PASD1: variants seen among roughly 807,000 people sequenced by gnomAD.
PASD1 encodes PAS domain containing repressor 1, also known as circadian clock protein PASD1.
Under a neutral mutation model 58.8 loss-of-function variants are expected in PASD1, and 13 were observed. The observed-to-expected ratio is 0.22, with a 90% CI of 0.14 to 0.35. PASD1 has a LOEUF of 0.35. PASD1 is among the 10% of genes least tolerant of loss of function. The pLI is 1.00. For missense variants in PASD1, 734 were observed against 568.3 expected (o/e 1.29, Z -2.96); for synonymous variants, 236 against 216.7 (o/e 1.09, Z -0.78).
chrX:151,591,086 G>C (rs375366259), intron 1 of PASD1, among the ~76,000 whole-genome samples: 1 of 111,609 alleles, frequency 9.0e-6, no homozygotes, highest in Non-Finnish European at 1.9e-5. Flanking sequence ...AGCTTGAGCT[G>C]TAAGTCTGAT....
chrX:151,657,852 TA>T lies in PASD1; in HGVS notation c.718-1858del, dbSNP rs773415487. On this transcript the variant is annotated intron_variant, in intron 9 of 15. Transcript: ENST00000370357. ...TTTTTTTGGAGGGTTTTTTTTTTTT[TA>T]AATTCTGCTCTATTTTATGTAGCAT... 2.4e-4 allele frequency among the ~76,000 whole-genome samples: 22 copies of T among 90,215 alleles called. No individual in the cohort carries two copies. The East Asian group carries it at 2.5e-3, about 10-fold the overall frequency. The allele number at this position is 90,215 out of a possible 115,157, so 78.3% of individuals were successfully genotyped here. A position where few individuals can be genotyped will look rare whatever the true frequency, so the allele number is the denominator to read the frequency against.
chrX:151,635,247 A>G (rs189651715), intron 8 of PASD1, among the ~76,000 whole-genome samples: 2 of 110,844 alleles, frequency 1.8e-5, no homozygotes, highest in East Asian at 5.7e-4. Context: ...CCAGTTCTCT[A>G]AGTCTTAGTC....
rs755392130 is a variant in PASD1, at chrX:151,676,095, G to T, written c.2274G>T (p.Gln758His). 97 of 1,210,939 alleles carry T rather than the reference G, an allele frequency of 8.0e-5. No individual in the cohort carries two copies. The highest frequency in any genetic ancestry group is 1.1e-4 in the Non-Finnish European group (94 of 895,219). Residue 758 changes from glutamine (Q) to histidine (H), a missense_variant, in exon 16 of 16, where the codon CAG becomes CAT. Gln to His is a conservative substitution (Grantham distance 24, BLOSUM62 0). Transcript: ENST00000370357. ...CAGACCAGATGAGATCTGCGGAGCA[G>T]ACCAGATTGATGCCTGCAGAGCAAC... is the stretch of plus-strand genomic sequence containing the variant. ...YQPDQMRSAE[Q>H]TRLMPAEQRD...
At chrX:151,610,929 A>C (rs1438199754) in intron 3 of PASD1, among the ~76,000 whole-genome samples, 6 of 87,255 alleles carry the variant, frequency 6.9e-5, no homozygotes, top group Admixed American at 5.6e-4. Context: ...TACCTGTTGA[A>C]AGTGTCTCCC....
intron 1 of PASD1, chrX:151,578,315 A>G (rs2013040263): frequency 2.7e-5 from 3 of 112,379 alleles, no homozygotes; most frequent in Non-Finnish European, 3.8e-5. Flanking sequence ...CTGCAGGACC[A>G]GTGACCTTTA....
intron 14 of PASD1, 94 bp downstream of exon 14, chrX:151,672,755 C>CT: frequency 8.9e-7 from 1 of 1,128,293 alleles, no homozygotes; most frequent in Non-Finnish European, 1.2e-6. Context: ...GACGACCTAT[C>CT]CATGTGGCAC....
chrX:151,576,429 A>G lies in PASD1; in HGVS notation c.-28+12590A>G, dbSNP rs372677864. On this transcript the variant is annotated intron_variant, in intron 1 of 15. Transcript: ENST00000370357. ...TCAAAATCAACTCTTATCCTAGTGA[A>G]TTGATTACATGTGAAATTGTGTAGC... 1.2e-4 allele frequency among the ~76,000 whole-genome samples: 13 copies of G among 112,632 alleles called. No individual in the cohort carries two copies. The East Asian group carries it at 3.6e-3, about 31-fold the overall frequency.
intron 7 of PASD1, among the ~76,000 whole-genome samples, chrX:151,624,455 AT>A (rs755593067): frequency 3.6e-5 from 4 of 111,538 alleles, no homozygotes; most frequent in Non-Finnish European, 5.6e-5. Flanking sequence ...TCTGATCCAG[AT>A]TTCCTGTGTT....
At chrX:151,621,771 G>C (rs765498305) in intron 6 of PASD1, among the ~76,000 whole-genome samples, 179 bp downstream of exon 6, 1 of 109,410 alleles carries the variant, frequency 9.1e-6, no homozygotes, top group African/African-American at 3.3e-5. Context: ...TACAAGGTGG[G>C]GGACACTGAG....
intron 4 of PASD1, among the ~76,000 whole-genome samples, chrX:151,616,635 G>T (rs1241455364): frequency 9.0e-6 from 1 of 110,536 alleles, no homozygotes; most frequent in Non-Finnish European, 1.9e-5. Context: ...AATCAAATCT[G>T]GGAGTTTACA....
At chrX:151,580,302 A>G (rs1251043464) in intron 1 of PASD1, among the ~76,000 whole-genome samples, 2 of 111,945 alleles carry the variant, frequency 1.8e-5, no homozygotes, top group African/African-American at 6.5e-5. Flanking sequence ...AAAATGAATT[A>G]ATGTTAAATG....
intron 3 of PASD1, among the ~76,000 whole-genome samples, chrX:151,606,082 T>C (rs1377627182): frequency 8.9e-6 from 1 of 112,594 alleles, no homozygotes; most frequent in East Asian, 2.8e-4. Flanking sequence ...ACAGAACATA[T>C]GGCATTCAAG....
intron 1 of PASD1, among the ~76,000 whole-genome samples, chrX:151,572,395 C>T (rs1032995949): frequency 9.9e-5 from 11 of 111,128 alleles, no homozygotes; most frequent in African/African-American, 3.6e-4. Flanking sequence ...ACTTGAGTTG[C>T]CCAGAAGCCA....
intron 11 of PASD1, among the ~76,000 whole-genome samples, chrX:151,666,974 T>C (rs2014391431): frequency 9.1e-6 from 1 of 109,522 alleles, no homozygotes; most frequent in African/African-American, 3.4e-5. Flanking sequence ...TCTTCCACAA[T>C]GGTTGAACTA....
intron 4 of PASD1, among the ~76,000 whole-genome samples, chrX:151,612,976 T>C (rs2013585994): frequency 8.9e-6 from 1 of 111,861 alleles, no homozygotes; most frequent in Non-Finnish European, 1.9e-5. Flanking sequence ...CTTTAAACCA[T>C]CTTGAATTAA....
At position 151,669,941 on chromosome X, in the gene PASD1, G is replaced by T. The variant is rs1311250010; in HGVS notation, c.1072-1097G>T. 3.6e-5 allele frequency among the ~76,000 whole-genome samples: 4 copies of T among 111,826 alleles called. No individual in the cohort carries two copies. In the Admixed American group the frequency reaches 3.8e-4, roughly 11 times the overall value. On this transcript the variant is annotated intron_variant, in intron 11 of 15. Coordinates refer to ENST00000370357, the MANE Select transcript of PASD1 (RefSeq NM_173493.3). ...GGATTTGCTGGATCATACGGTAGTT[G>T]TATTTTTCGTTCTATAAGGAACCTC...
At chrX:151,625,422 G>A (rs1016649709) in intron 7 of PASD1, 26 bp from the exon 8 acceptor site, 2 of 1,135,363 alleles carry the variant, frequency 1.8e-6, no homozygotes, top group Admixed American at 4.5e-5. Flanking sequence ...CATATTAAAT[G>A]TCTAAATATT....
chrX:151,577,587 C>T (rs1380000963), intron 1 of PASD1, among the ~76,000 whole-genome samples: 2 of 111,628 alleles, frequency 1.8e-5, no homozygotes, highest in Non-Finnish European at 3.8e-5. Context: ...TGCAGTGGTG[C>T]GATCTCGACT....
intron 1 of PASD1, among the ~76,000 whole-genome samples, chrX:151,598,203 G>A (rs1286302244): frequency 8.9e-6 from 1 of 111,807 alleles, no homozygotes; most frequent in Non-Finnish European, 1.9e-5. Flanking sequence ...GCTTTTCAGA[G>A]CTATTTAGGA....
Sources: allele counts gnomAD v4.1 joint callset (sites outside exome capture counted in the v4.1 genomes callset), GRCh38; gene constraint gnomAD v4.1.1; transcripts MANE v1.5; gene names NCBI Gene and HGNC (gene_info 2026-07-23, HGNC 2026-07-21).